CDH9: variants seen among roughly 807,000 people sequenced by gnomAD.
CDH9 encodes cadherin-9.
Under a neutral mutation model 70.9 loss-of-function variants are expected in CDH9, and 28 were observed. That is an observed-to-expected ratio of 0.40 (90% confidence interval 0.29 to 0.54). CDH9 has a LOEUF of 0.54. Among genes scored for constraint, CDH9 ranks in the 20% least tolerant of loss-of-function variants. The pLI is 0.59. For missense variants in CDH9, 874 were observed against 984.4 expected, an observed-to-expected ratio of 0.89 and a Z score of 1.50; for synonymous variants, 409 against 343.1, an observed-to-expected ratio of 1.19 and a Z score of -2.12.
At chr5:26,919,998 T>C (rs1030005930) in intron 2 of CDH9, among the ~76,000 whole-genome samples, 1 of 152,036 alleles carries the variant, frequency 6.6e-6, no homozygotes, top group Admixed American at 6.6e-5. Flanking sequence ...AGAATCCTGC[T>C]TGAGGGAAGC....
At chr5:27,016,289 G>A (rs1461692253) in intron 1 of CDH9, among the ~76,000 whole-genome samples, 3 of 151,742 alleles carry the variant, frequency 2.0e-5, no homozygotes, top group African/African-American at 4.8e-5. Context: ...ATCATTCAGT[G>A]ATAGACTAAA....
rs779674791 is a variant in CDH9 at position 26,881,085 on chromosome 5, T to A, written c.*51A>T. The A allele has an allele frequency of 1.2e-5, 18 of 1,492,860 alleles. No homozygotes were observed. Among genetic ancestry groups the A allele is most frequent in the Non-Finnish European group, 1.6e-5 (18 of 1,109,928 alleles). The allele number at this position is 1,492,860 out of a possible 1,614,324, so 92.5% of individuals were successfully genotyped here. A position where few individuals can be genotyped will look rare whatever the true frequency, so the allele number is the denominator to read the frequency against. On this transcript the variant is annotated 3_prime_UTR_variant, in exon 12 of 12. Coordinates refer to ENST00000231021, the MANE Select transcript of CDH9 (RefSeq NM_016279.4). ...GGAAGAGAATGCAGGCCACTCAATC[T>A]AATAACATAGACAGTACTTCCACTA...
At chr5:26,982,007 T>C (rs1283879342) in intron 2 of CDH9, among the ~76,000 whole-genome samples, 1 of 152,086 alleles carries the variant, frequency 6.6e-6, no homozygotes, top group South Asian at 2.1e-4. Flanking sequence ...CCTCTCTCCA[T>C]ACCCTTCTGA....
intron 2 of CDH9, among the ~76,000 whole-genome samples, chr5:26,975,233 C>A (rs1023220405): frequency 6.6e-6 from 1 of 152,022 alleles, no homozygotes; most frequent in Non-Finnish European, 1.5e-5. Context: ...AGATCTAGAC[C>A]GGAAGTGACT....
chr5:26,919,174 A>G (rs556394760), intron 2 of CDH9, among the ~76,000 whole-genome samples: 5 of 152,306 alleles, frequency 3.3e-5, no homozygotes, highest in Admixed American at 3.3e-4. Flanking sequence ...TGAAAAAGGT[A>G]GAAAAGACAG....
chr5:26,952,552 A>G (rs113405690), intron 2 of CDH9, among the ~76,000 whole-genome samples: 11,516 of 129,154 alleles, frequency 0.089, 1,861 homozygotes, highest in African/African-American at 0.31. Flanking sequence ...GGAGAATGGT[A>G]TGAACCCGGG....
Position 26,915,878 on chromosome 5 carries a change from A to G in CDH9, c.275T>C (p.Leu92Pro), listed in dbSNP as rs1741139489. The G allele has an allele frequency of 6.2e-7, 1 of 1,611,890 alleles. No homozygotes were observed. Among genetic ancestry groups the G allele is most frequent in the Non-Finnish European group, 8.5e-7 (1 of 1,178,402 alleles). ...TAGACTGCCAGCCCCATCTCCTGTT[A>G]GTATGTATTTTAAATTTCCATCTCC... ...DKGDGNLKYI[L>P]TGDGAGSLFV... Residue 92 changes from leucine (L) to proline (P), a missense_variant, in exon 3 of 12, where the codon CTA (leucine) becomes CCA (proline). By Grantham distance (98) the Leu-to-Pro change is moderately conservative (BLOSUM62 -3). Coordinates refer to ENST00000231021, the MANE Select transcript of CDH9 (RefSeq NM_016279.4).
intron 2 of CDH9, among the ~76,000 whole-genome samples, chr5:26,978,362 C>G (rs991604207): frequency 6.6e-6 from 1 of 151,168 alleles, no homozygotes; most frequent in African/African-American, 2.4e-5. Context: ...TAAAGGAAAC[C>G]CAGAACTGAA....
At chr5:26,995,862 C>G (rs1473755565) in intron 1 of CDH9, among the ~76,000 whole-genome samples, 3 of 151,962 alleles carry the variant, frequency 2.0e-5, no homozygotes, top group Non-Finnish European at 4.4e-5. Context: ...AAATGTGGCT[C>G]AACTTTGATT....
intron 1 of CDH9, among the ~76,000 whole-genome samples, chr5:27,020,120 G>T (rs1170810951): frequency 1.3e-5 from 2 of 151,326 alleles, no homozygotes; most frequent in Non-Finnish European, 3.0e-5. Flanking sequence ...CATAATATAG[G>T]CTTATAGTAT....
chr5:27,032,670 G>A (rs971806902), intron 1 of CDH9, among the ~76,000 whole-genome samples: 2 of 151,412 alleles, frequency 1.3e-5, no homozygotes, highest in Non-Finnish European at 3.0e-5. Context: ...ATATTTCTCT[G>A]TTTTATGAAT....
chr5:26,970,150 G>A (rs1479515377), intron 2 of CDH9, among the ~76,000 whole-genome samples: 1 of 151,404 alleles, frequency 6.6e-6, no homozygotes, highest in Non-Finnish European at 1.5e-5. Context: ...AATTAATAAA[G>A]TTAATGAATA....
At chr5:26,922,390 A>G (rs537842787) in intron 2 of CDH9, among the ~76,000 whole-genome samples, 1 of 152,150 alleles carries the variant, frequency 6.6e-6, no homozygotes, top group Admixed American at 6.5e-5. Context: ...CTGGCAACAG[A>G]TATCTCAGTG....
At chr5:26,902,130 C>G (rs1275879922) in intron 7 of CDH9, among the ~76,000 whole-genome samples, 1 of 151,890 alleles carries the variant, frequency 6.6e-6, no homozygotes, top group African/African-American at 2.4e-5. Flanking sequence ...ATTAAACTGC[C>G]TGGTTCTTAA....
At chr5:27,004,850 T>A (rs1742832832) in intron 1 of CDH9, among the ~76,000 whole-genome samples, 1 of 152,144 alleles carries the variant, frequency 6.6e-6, no homozygotes, top group Non-Finnish European at 1.5e-5. Flanking sequence ...GAGTCTAGAA[T>A]TTACAGCAGA....
chr5:26,985,709 C>T (rs561373699), intron 2 of CDH9, among the ~76,000 whole-genome samples: 16 of 152,112 alleles, frequency 1.1e-4, no homozygotes, highest in African/African-American at 3.6e-4. Flanking sequence ...AATCCTGGTC[C>T]GTGGTGAATA....
At position 26,918,254 on chromosome 5, in the gene CDH9, TCTAA is replaced by T. The variant is rs559543382; in HGVS notation, c.229-2334_229-2331del. Among the ~76,000 whole-genome samples, 14 of 152,332 alleles carry T rather than the reference TCTAA, an allele frequency of 9.2e-5. No homozygotes were observed. In the East Asian group the frequency reaches 2.5e-3, roughly 27 times the overall value. On this transcript the variant is annotated intron_variant, in intron 2 of 11. Coordinates refer to ENST00000231021, the MANE Select transcript of CDH9 (RefSeq NM_016279.4). The stretch of plus-strand genomic sequence containing the variant: ...CTTTACCTTCTTTTTTGTATTTTCC[TCTAA>T]CTAAGTATTTGTCATATTTCATTTT...
At chr5:26,981,042 CG>C (rs1208777980) in intron 2 of CDH9, among the ~76,000 whole-genome samples, 2 of 152,006 alleles carry the variant, frequency 1.3e-5, no homozygotes, top group African/African-American at 4.8e-5. Flanking sequence ...CGCCCCATGT[CG>C]GTACATTGGT....
chr5:26,952,339 G>T (rs902151209), intron 2 of CDH9, among the ~76,000 whole-genome samples: 2 of 130,734 alleles, frequency 1.5e-5, no homozygotes, highest in African/African-American at 2.7e-5. Flanking sequence ...GGTCGGCCGG[G>T]CGTCTTGGCT....
Sources: gnomAD v4.1 joint callset for allele counts (sites outside exome capture counted in the v4.1 genomes callset) on GRCh38, gnomAD v4.1.1 for gene constraint, MANE v1.5 for transcripts, NCBI Gene and HGNC (gene_info 2026-07-23, HGNC 2026-07-21) for gene names.